Variants in S1PR5 observed in about 807,000 individuals in gnomAD.
The protein encoded by S1PR5 is sphingosine 1-phosphate receptor 5.
For missense variants in S1PR5, 583 were observed against 571.7 expected (o/e 1.02, Z -0.20); for synonymous variants, 307 against 284.7 (o/e 1.08, Z -0.79).
chr19:10,512,925 A>AAAGAAAGAAAGAAAG lies in S1PR5; in HGVS notation c.*889_*890insCTTTCTTTCTTTCTT, dbSNP rs71162083. ...ACAAGATCCCAACTCAAAAAAAAAAAAAAGAAAGAAAGAAAGAAAAGAAAA... is the reference window on the plus strand; with the variant it reads ...ACAAGATCCCAACTCAAAAAAAAAAAAAGAAAGAAAGAAAGAAAGAAAGAAAGAAAGAAAAGAAAA... On this transcript the variant is annotated 3_prime_UTR_variant, in exon 2 of 2. Coordinates refer to ENST00000333430, the MANE Select transcript of S1PR5 (RefSeq NM_030760.5). 2.4e-5 allele frequency: 3 copies of AAAGAAAGAAAGAAAG among 126,268 alleles called. No individual in the cohort carries two copies. The highest frequency in any genetic ancestry group is 8.5e-5 in the Admixed American group (1 of 11,824). The allele number at this position is 126,268 out of a possible 1,614,324, so 7.8% of individuals were successfully genotyped here.
Position 10,513,730 on chromosome 19 carries a change from A to G in S1PR5, c.*85T>C. The G allele has an allele frequency of 6.5e-7, 1 of 1,540,946 alleles. No individual in the cohort carries two copies. ...TTTCCCCTGCATCTTTTCCGACTGCACCTTTGGCTGCATTTCCTACAAATT... is the reference window on the plus strand; with the variant it reads ...TTTCCCCTGCATCTTTTCCGACTGCGCCTTTGGCTGCATTTCCTACAAATT... On this transcript the variant is annotated 3_prime_UTR_variant, in exon 2 of 2. Coordinates refer to ENST00000333430, the MANE Select transcript of S1PR5 (RefSeq NM_030760.5).
In S1PR5 at chr19:10,514,646, G is replaced by T. The variant is rs760859305; in HGVS notation, c.366C>A (p.Ser122=). Residue 122 remains serine, a synonymous_variant, in exon 2 of 2, where the codon TCC becomes TCA. Coordinates refer to ENST00000333430, the MANE Select transcript of S1PR5 (RefSeq NM_030760.5). ...EGGVFVALTA[S]VLSLLAIALE... ...GCGCGATGGCCAGGAGGCTCAGCAC[G>T]GACGCAGTGAGTGCCACGAAGACGC... 1.1e-5 allele frequency: 18 copies of T among 1,602,392 alleles called. No individual in the cohort carries two copies. The highest frequency in any genetic ancestry group is 6.8e-5 in the Admixed American group (4 of 58,534).
Position 10,513,879 on chromosome 19 carries a change from G to C in S1PR5, c.1133C>G (p.Ser378Cys). ...PQRDGLDTSGSTGSPGAPTAA... is the reference protein window; with the variant it reads ...PQRDGLDTSGCTGSPGAPTAA... ...TGTGGGTGCACCGGGGCTGCCTGTG[G>C]AGCCGCTGGTGTCCAGCCCGTCGCG... Residue 378 changes from serine to cysteine, a missense_variant, in exon 2 of 2, where the codon TCC becomes TGC. Ser to Cys is a moderately radical substitution (Grantham distance 112). Coordinates refer to ENST00000333430, the MANE Select transcript of S1PR5 (RefSeq NM_030760.5). 2 of 1,611,710 alleles carry C rather than the reference G, an allele frequency of 1.2e-6. No homozygotes were observed. The highest frequency in any genetic ancestry group is 1.7e-6 in the Non-Finnish European group (2 of 1,179,700).
Position 10,514,359 on chromosome 19 carries a change from T to C in S1PR5, c.653A>G (p.Gln218Arg), listed in dbSNP as rs889526285. The C allele has an allele frequency of 6.3e-7, 1 of 1,580,970 alleles. No individual in the cohort carries two copies. Among genetic ancestry groups the C allele is most frequent in the Admixed American group, 1.9e-5 (1 of 53,426 alleles). ...ICALYARIYC[Q>R]VRANARRLPA... The stretch of plus-strand genomic sequence containing the variant: ...CAGGCGCCGCGCGTTGGCGCGTACC[T>C]GGCAGTAGATGCGCGCGTAGAGTGC... Residue 218 changes from glutamine to arginine, a missense_variant, in exon 2 of 2, where the codon CAG (glutamine) becomes CGG (arginine). Transcript: ENST00000333430.
rs911016774 is a variant in S1PR5, at chr19:10,514,980, A to T, written c.32T>A (p.Val11Glu). Residue 11 changes from valine (V) to glutamate (E), a missense_variant, in exon 2 of 2, where the codon GTG (valine) becomes GAG (glutamate). Val to Glu is a moderately radical substitution (Grantham distance 121). Coordinates refer to ENST00000333430, the MANE Select transcript of S1PR5 (RefSeq NM_030760.5). ...GTAATGCAGGACGATGACCTCGCTC[A>T]CCGGCGCCGGCCGCAGCAGCCCCGA... MESGLLRPAP[V>E]SEVIVLHYNY... 1.9e-6 allele frequency: 3 copies of T among 1,579,644 alleles called. No individual in the cohort carries two copies. Among genetic ancestry groups the T allele is most frequent in the South Asian group, 1.1e-5 (1 of 88,674 alleles).
Position 10,513,660 on chromosome 19 carries a change from T to A in S1PR5, c.*155A>T, listed in dbSNP as rs910692297. ...CGTCAATTCCACGAGGGCACAGATT[T>A]TTTGTCTGTTTGTTCACATTGTGGG... On this transcript the variant is annotated 3_prime_UTR_variant, in exon 2 of 2. Coordinates refer to ENST00000333430, the MANE Select transcript of S1PR5 (RefSeq NM_030760.5). 1.1e-5 allele frequency: 12 copies of A among 1,065,784 alleles called. No homozygotes were observed. Among genetic ancestry groups the A allele is most frequent in the Non-Finnish European group, 1.6e-5 (12 of 754,672 alleles). The allele number at this position is 1,065,784 out of a possible 1,614,324, so 66.0% of individuals were successfully genotyped here.
At chr19:10,516,267 C>G (rs1915435362) in intron 1 of S1PR5, among the ~76,000 whole-genome samples, 1 of 152,096 alleles carries the variant, frequency 6.6e-6, no homozygotes, top group South Asian at 2.1e-4. Flanking sequence ...GCATACAAAG[C>G]TTTTTCCTGC....
chr19:10,514,527 G>C lies in S1PR5; in HGVS notation c.485C>G (p.Ser162Trp). 1 of 1,591,164 alleles carries C rather than the reference G, an allele frequency of 6.3e-7. No individual in the cohort carries two copies. The highest frequency in any genetic ancestry group is 8.5e-7 in the Non-Finnish European group (1 of 1,170,232). ...LAMAAAAWGV[S>W]LLLGLLPALG... is the part of the protein sequence containing the mutation. ...CGCTGGCAGGAGCCCGAGGAGCAGCGACACGCCCCAGGCCGCGGCTGCCAT... is the reference window on the plus strand; with the variant it reads ...CGCTGGCAGGAGCCCGAGGAGCAGCCACACGCCCCAGGCCGCGGCTGCCAT... The change falls in exon 2 of 2, where the codon TCG becomes TGG. Residue 162 changes from serine to tryptophan, a missense_variant. Ser to Trp is a radical substitution (Grantham distance 177). Coordinates refer to ENST00000333430, the MANE Select transcript of S1PR5 (RefSeq NM_030760.5).
rs756655020 is a variant in S1PR5, at chr19:10,513,551, C to T, written c.*264G>A. The T allele has an allele frequency of 1.2e-5, 7 of 586,808 alleles. No individual in the cohort carries two copies. The highest frequency in any genetic ancestry group is 1.8e-5 in the Non-Finnish European group (6 of 337,524). The allele number at this position is 586,808 out of a possible 1,614,324, so 36.4% of individuals were successfully genotyped here. On this transcript the variant is annotated 3_prime_UTR_variant, in exon 2 of 2. Transcript: ENST00000333430. ...ACCTCTGCAGAGAGGTCTTCCCTGA[C>T]CACCATCACCATCTCTGTCGTTTGT...
chr19:10,514,876 C>A lies in S1PR5; in HGVS notation c.136G>T (p.Val46Leu). Residue 46 changes from valine to leucine, a missense_variant, in exon 2 of 2, where the codon GTG (valine) becomes TTG (leucine). By Grantham distance (32) the Val-to-Leu change is conservative. Coordinates refer to ENST00000333430, the MANE Select transcript of S1PR5 (RefSeq NM_030760.5). ...TTCTCTAGCACGATGAAGGCGCACACCGCCAGGCACACCACGGCGTCGGCG... is the reference window on the plus strand; with the variant it reads ...TTCTCTAGCACGATGAAGGCGCACAACGCCAGGCACACCACGGCGTCGGCG... ...LRADAVVCLA[V>L]CAFIVLENLA... is the part of the protein sequence containing the mutation. 1 of 1,612,344 alleles carries A rather than the reference C, an allele frequency of 6.2e-7. No homozygotes were observed. Among genetic ancestry groups the A allele is most frequent in the Non-Finnish European group, 8.5e-7 (1 of 1,179,394 alleles).
rs1915372967 is a variant in S1PR5, at chr19:10,514,365, T to C, written c.647A>G (p.Tyr216Cys). ...CCGCGCGTTGGCGCGTACCTGGCAG[T>C]AGATGCGCGCGTAGAGTGCACAGAT... Reference protein sequence around the residue: ...AAICALYARIYCQVRANARRL... With the variant: ...AAICALYARICCQVRANARRL... Residue 216 changes from tyrosine (Y) to cysteine (C), a missense_variant, in exon 2 of 2, where the codon TAC (tyrosine) becomes TGC (cysteine). By Grantham distance (194) the Tyr-to-Cys change is radical (BLOSUM62 -2). Coordinates refer to ENST00000333430, the MANE Select transcript of S1PR5 (RefSeq NM_030760.5). 10 of 1,585,882 alleles carry C rather than the reference T, an allele frequency of 6.3e-6. No individual in the cohort carries two copies. The highest frequency in any genetic ancestry group is 1.1e-5 in the South Asian group (1 of 87,672).
In S1PR5 at chr19:10,514,382, T is replaced by G; in HGVS notation, c.630A>C (p.Ala210=). 1 of 1,599,298 alleles carries G rather than the reference T, an allele frequency of 6.3e-7. No homozygotes were observed. The highest frequency in any genetic ancestry group is 1.3e-5 in the African/African-American group (1 of 74,732). ...CCTGGCAGTAGATGCGCGCGTAGAGTGCACAGATAGCGGCCAGGATGCCCA... is the reference window on the plus strand; with the variant it reads ...CCTGGCAGTAGATGCGCGCGTAGAGGGCACAGATAGCGGCCAGGATGCCCA... The part of the protein sequence containing the change: ...AFVGILAAIC[A]LYARIYCQVR... Residue 210 remains alanine (A), a synonymous_variant, in exon 2 of 2, where the codon GCA becomes GCC. Transcript: ENST00000333430.
Position 10,513,816 on chromosome 19 carries a change from C to T in S1PR5, c.1196G>A (p.Ter399=). 1 of 1,612,434 alleles carries T rather than the reference C, an allele frequency of 6.2e-7. No homozygotes were observed. The highest frequency in any genetic ancestry group is 8.5e-7 in the Non-Finnish European group (1 of 1,179,660). Residue 399 remains the stop codon, a stop_retained_variant, in exon 2 of 2, where the codon TGA becomes TAA. Transcript: ENST00000333430. ...GAAGACAGTCGTGGGCCGAGGGTGT[C>T]AGTCTGCAGCCGGTTCTGATACCAG... is the stretch of plus-strand genomic sequence containing the variant. The part of the protein sequence containing the change: ...RTLVSEPAAD[*]
In S1PR5 at chr19:10,514,394, G is replaced by C; in HGVS notation, c.618C>G (p.Ala206=). The part of the protein sequence containing the change: ...FCVLAFVGIL[A]AICALYARIY... ...TGCGCGCGTAGAGTGCACAGATAGC[G>C]GCCAGGATGCCCACGAAGGCGAGCA... The change falls in exon 2 of 2, where the codon GCC becomes GCG. Residue 206 remains alanine, a synonymous_variant. Coordinates refer to ENST00000333430, the MANE Select transcript of S1PR5 (RefSeq NM_030760.5). The C allele has an allele frequency of 1.9e-6, 3 of 1,605,900 alleles. No individual in the cohort carries two copies. Among genetic ancestry groups the C allele is most frequent in the Non-Finnish European group, 2.5e-6 (3 of 1,176,984 alleles).
chr19:10,517,758 T>G (rs1317646143), upstream of S1PR5: 3 of 946,332 alleles, frequency 3.2e-6, no homozygotes, highest in Non-Finnish European at 3.8e-6. Flanking sequence ...GAGCCTCTTC[T>G]CCCCAGCGGA....
At chr19:10,516,607 CAA>C (rs113615794) in intron 1 of S1PR5, among the ~76,000 whole-genome samples, 25,025 of 91,628 alleles carry the variant, frequency 0.27, 2,298 homozygotes, top group African/African-American at 0.39. Context: ...AACTCCGTCT[CAA>C]AAAAAAAAAA....
At position 10,513,678 on chromosome 19, in the gene S1PR5, A is replaced by T. The variant is rs963448810; in HGVS notation, c.*137T>A. 5.6e-6 allele frequency: 7 copies of T among 1,253,168 alleles called. No homozygotes were observed. In the African/African-American group the frequency reaches 9.3e-5, roughly 17 times the overall value. 77.6% of individuals were successfully genotyped at this position (1,253,168 alleles called of 1,614,324 possible). ...ACAGATTTTTTGTCTGTTTGTTCACATTGTGGGGTGTCGCTGCATAAATAC... is the reference window on the plus strand; with the variant it reads ...ACAGATTTTTTGTCTGTTTGTTCACTTTGTGGGGTGTCGCTGCATAAATAC... On this transcript the variant is annotated 3_prime_UTR_variant, in exon 2 of 2. Transcript: ENST00000333430.
rs562669008 is a variant in S1PR5, at chr19:10,514,843, C to G, written c.169G>C (p.Val57Leu). The change falls in exon 2 of 2, where the codon GTG becomes CTG. Residue 57 changes from valine (V) to leucine (L), a missense_variant. Transcript: ENST00000333430. Reference sequence around the variant, plus strand: ...GGGTGGCGTCCGAGCACCAACAACACGGCTAGATTCTCTAGCACGATGAAG... The same window carrying G: ...GGGTGGCGTCCGAGCACCAACAACAGGGCTAGATTCTCTAGCACGATGAAG... ...CAFIVLENLA[V>L]LLVLGRHPRF... The G allele has an allele frequency of 1.9e-6, 3 of 1,612,904 alleles. No homozygotes were observed. Among genetic ancestry groups the G allele is most frequent in the African/African-American group, 1.3e-5 (1 of 74,922 alleles).
chr19:10,515,139 A>G, intron 1 of S1PR5, 110 bp from the exon 2 acceptor site: 1 of 1,368,684 alleles, frequency 7.3e-7, no homozygotes, highest in Non-Finnish European at 9.8e-7. Flanking sequence ...CACCCCCTAT[A>G]CATGGTGTCC....
Sources: gnomAD v4.1 joint callset for allele counts (sites outside exome capture counted in the v4.1 genomes callset) on GRCh38, gnomAD v4.1.1 for gene constraint, MANE v1.5 for transcripts, NCBI Gene and HGNC (gene_info 2026-07-23, HGNC 2026-07-21) for gene names.